R3HCC1L: variants seen among roughly 807,000 people sequenced by gnomAD.
R3HCC1L encodes R3H domain and coiled-coil containing 1 like.
Under a neutral mutation model 59.9 loss-of-function variants are expected in R3HCC1L, and 51 were observed. That is an observed-to-expected ratio of 0.85 (90% CI 0.68 to 1.07). The LOEUF is 1.07. Ranked by LOEUF, R3HCC1L falls within the 50% of genes least tolerant of loss-of-function variation. The pLI is 0.00. For synonymous variants in R3HCC1L, 322 were observed against 315.2 expected (o/e 1.02, Z -0.23); for missense variants, 965 against 933.0 (o/e 1.03, Z -0.45).
At chr10:98,157,650 A>G (rs1448606455) in intron 2 of R3HCC1L, among the ~76,000 whole-genome samples, 6 of 152,188 alleles carry the variant, frequency 3.9e-5, no homozygotes, top group African/African-American at 1.4e-4. Flanking sequence ...CACATTGAGC[A>G]TTCATCAATA....
At chr10:98,161,833 A>C (rs543894014) in intron 2 of R3HCC1L, among the ~76,000 whole-genome samples, 1 of 152,120 alleles carries the variant, frequency 6.6e-6, no homozygotes, top group African/African-American at 2.4e-5. Context: ...TAAAATTTTT[A>C]GTGTTTTCCT....
At position 98,208,640 on chromosome 10, in the gene R3HCC1L, C is replaced by A. The variant is rs1853069712; in HGVS notation, c.526C>A (p.Pro176Thr). ...TTTAGAAATCAGCGAGGCTCAAGTT[C>A]CAAGCAAACCATTCCAAAATGTGGA... ...ACLEISEAQV[P>T]SKPFQNVEFC... The change falls in exon 5 of 10, where the codon CCA becomes ACA. Residue 176 changes from proline (P) to threonine (T), a missense_variant. Transcript: ENST00000298999. 1 of 1,613,896 alleles carries A rather than the reference C, an allele frequency of 6.2e-7. No individual in the cohort carries two copies. Among genetic ancestry groups the A allele is most frequent in the African/African-American group, 1.3e-5 (1 of 74,872 alleles).
chr10:98,166,459 T>C (rs530877060), intron 4 of R3HCC1L, among the ~76,000 whole-genome samples: 1 of 152,362 alleles, frequency 6.6e-6, no homozygotes, highest in Admixed American at 6.5e-5. Context: ...TCTTCACATG[T>C]TGAGTCTATT....
At chr10:98,197,598 G>A (rs1851580837) in intron 4 of R3HCC1L, among the ~76,000 whole-genome samples, 1 of 152,140 alleles carries the variant, frequency 6.6e-6, no homozygotes, top group South Asian at 2.1e-4. Flanking sequence ...GCACACAGTA[G>A]TTAATAAATA....
At chr10:98,154,575 A>G (rs1012298431) in intron 1 of R3HCC1L, among the ~76,000 whole-genome samples, 2 of 151,794 alleles carry the variant, frequency 1.3e-5, no homozygotes, top group Admixed American at 6.5e-5. Flanking sequence ...ACTTTTGCTC[A>G]TATTCCATTG....
chr10:98,139,817 C>T (rs1844964926), intron 1 of R3HCC1L, among the ~76,000 whole-genome samples: 1 of 151,838 alleles, frequency 6.6e-6, no homozygotes, highest in Admixed American at 6.6e-5. Context: ...ATTCACCCTT[C>T]AGTTTTATTA....
chr10:98,137,282 G>T (rs1184515673), intron 1 of R3HCC1L, among the ~76,000 whole-genome samples: 1 of 152,106 alleles, frequency 6.6e-6, no homozygotes, highest in Admixed American at 6.5e-5. Context: ...TGTAGTTTTT[G>T]ATTTTGGGCA....
At position 98,236,128 on chromosome 10, in the gene R3HCC1L, C is replaced by A. The variant is rs769025969; in HGVS notation, c.2233C>A (p.Arg745=). The A allele has an allele frequency of 5.1e-5, 83 of 1,613,650 alleles. No homozygotes were observed. The highest frequency in any genetic ancestry group is 6.4e-5 in the Non-Finnish European group (76 of 1,179,890). The change falls in exon 9 of 10, where the codon CGA becomes AGA. Residue 745 remains arginine, a synonymous_variant. Transcript: ENST00000298999. ...TCGAAGTAAGCAGAGCAAAACCGAA[C>A]GAGAAGCAGAGCTCAAGAAACTGCA... ...GVRSKQSKTE[R]EAELKKLQEA...
intron 1 of R3HCC1L, among the ~76,000 whole-genome samples, chr10:98,138,006 A>G (rs1232485934): frequency 1.3e-5 from 2 of 151,334 alleles, no homozygotes; most frequent in Non-Finnish European, 1.5e-5. Context: ...GACTGATGCT[A>G]ATGATGGCAT....
intron 5 of R3HCC1L, among the ~76,000 whole-genome samples, chr10:98,210,319 G>A (rs2135291078): frequency 6.6e-6 from 1 of 152,210 alleles, no homozygotes; most frequent in South Asian, 2.1e-4. Context: ...AGGGAAGGAA[G>A]TAGAGAAAAG....
At position 98,198,866 on chromosome 10, in the gene R3HCC1L, A is replaced by G. The variant is rs1364066620; in HGVS notation, c.-14-9235A>G. Among the ~76,000 whole-genome samples the G allele has an allele frequency of 2.6e-5, 4 of 152,152 alleles. No homozygotes were observed. In the South Asian group the frequency reaches 8.3e-4, roughly 31 times the overall value. On this transcript the variant is annotated intron_variant, in intron 4 of 9. Transcript: ENST00000298999. The stretch of plus-strand genomic sequence containing the variant: ...CAAGATCTTAGACCAGTGCTAACCC[A>G]TTAGAATTATTTAATGTGGACCACA...
intron 9 of R3HCC1L, among the ~76,000 whole-genome samples, chr10:98,242,470 C>G (rs1857640101): frequency 6.6e-6 from 1 of 152,198 alleles, no homozygotes; most frequent in African/African-American, 2.4e-5. Flanking sequence ...ACTGTTCACA[C>G]TAAATGGGAT....
chr10:98,171,770 T>G (rs1369297776), intron 4 of R3HCC1L, among the ~76,000 whole-genome samples: 1 of 152,142 alleles, frequency 6.6e-6, no homozygotes, highest in East Asian at 1.9e-4. Flanking sequence ...CCAGTGGAAA[T>G]AACTTTGACA....
chr10:98,142,005 G>A (rs568624662), intron 1 of R3HCC1L, among the ~76,000 whole-genome samples: 1 of 152,218 alleles, frequency 6.6e-6, no homozygotes, highest in South Asian at 2.1e-4. Context: ...ATGAATAAAT[G>A]TTCTATTGAA....
intron 1 of R3HCC1L, among the ~76,000 whole-genome samples, chr10:98,151,984 G>A (rs1354397970): frequency 3.3e-5 from 5 of 152,118 alleles, no homozygotes; most frequent in South Asian, 4.2e-4. Context: ...CTCTTTCCAC[G>A]GTCTCCCTCT....
At chr10:98,160,570 C>A (rs556580633) in intron 2 of R3HCC1L, among the ~76,000 whole-genome samples, 68 of 152,272 alleles carry the variant, frequency 4.5e-4, no homozygotes, top group African/African-American at 1.6e-3. Flanking sequence ...GATTAATTTT[C>A]CTTCTCTAAC....
At chr10:98,192,715 A>G (rs73323885) in intron 4 of R3HCC1L, among the ~76,000 whole-genome samples, 3,251 of 152,260 alleles carry the variant, frequency 0.021, 123 homozygotes, top group African/African-American at 0.075. Context: ...CAAACATTTA[A>G]AGGAGAATTG....
At chr10:98,223,646 T>G (rs1316240096) in intron 5 of R3HCC1L, among the ~76,000 whole-genome samples, 1 of 151,944 alleles carries the variant, frequency 6.6e-6, no homozygotes, top group Non-Finnish European at 1.5e-5. Context: ...CTGTAATCAG[T>G]TATTTGTGTC....
At chr10:98,141,849 C>G (rs757472889) in intron 1 of R3HCC1L, among the ~76,000 whole-genome samples, 10 of 152,198 alleles carry the variant, frequency 6.6e-5, no homozygotes, top group Non-Finnish European at 1.5e-4. Flanking sequence ...GTATCACAAG[C>G]TTGCCAGATT....
Sources: gnomAD v4.1 joint callset for allele counts (sites outside exome capture counted in the v4.1 genomes callset) on GRCh38, gnomAD v4.1.1 for gene constraint, MANE v1.5 for transcripts, NCBI Gene and HGNC (gene_info 2026-07-23, HGNC 2026-07-21) for gene names.